The following NPNT variants were observed in gnomAD, a reference collection of about 807,000 sequenced individuals.
NPNT encodes nephronectin, also known as preosteoblast EGF-like repeat protein with MAM domain.
In NPNT, 45 loss-of-function variants were observed where a neutral mutation model predicts 68.6. The ratio of observed to expected loss-of-function variants is 0.66; its 90% confidence interval spans 0.52 to 0.84. The LOEUF is 0.84. NPNT is among the 40% of genes least tolerant of loss of function. The pLI, the probability that NPNT is intolerant of heterozygous loss-of-function variation, is 0.00. For missense variants in NPNT, 672 were observed against 714.8 expected, an observed-to-expected ratio of 0.94 and a Z score of 0.68; for synonymous variants, 233 against 253.3, an observed-to-expected ratio of 0.92 and a Z score of 0.76.
At chr4:105,962,844 G>T (rs1294285020) in intron 10 of NPNT, among the ~76,000 whole-genome samples, 2 of 149,706 alleles carry the variant, frequency 1.3e-5, no homozygotes, top group Non-Finnish European at 3.0e-5. Flanking sequence ...TCAGGTGGAT[G>T]GAGTGTATGT....
At chr4:105,928,214 TCTA>T (rs1728834726) in intron 3 of NPNT, among the ~76,000 whole-genome samples, 1 of 152,208 alleles carries the variant, frequency 6.6e-6, no homozygotes. Flanking sequence ...CCATATTTTT[TCTA>T]CTATACTAGT....
intron 2 of NPNT, among the ~76,000 whole-genome samples, chr4:105,906,884 A>T (rs577307917): frequency 6.6e-6 from 1 of 152,270 alleles, no homozygotes; most frequent in East Asian, 1.9e-4. Context: ...ATTCATTTCC[A>T]TGCCAGTTAT....
At chr4:105,923,169 G>C (rs926103103) in intron 2 of NPNT, among the ~76,000 whole-genome samples, 5 of 152,126 alleles carry the variant, frequency 3.3e-5, no homozygotes, top group African/African-American at 1.2e-4. Context: ...GAAAAGGTTG[G>C]TTTTTGCTGA....
intron 8 of NPNT, among the ~76,000 whole-genome samples, chr4:105,953,872 A>G (rs1358404995): frequency 6.6e-6 from 1 of 152,242 alleles, no homozygotes; most frequent in East Asian, 1.9e-4. Flanking sequence ...CTTGTTTCCT[A>G]TGAAACAGGA....
At chr4:105,928,007 A>G (rs1728819191) in intron 3 of NPNT, among the ~76,000 whole-genome samples, 1 of 152,212 alleles carries the variant, frequency 6.6e-6, no homozygotes, top group Non-Finnish European at 1.5e-5. Context: ...GGTATTTTAT[A>G]TATATAATCC....
chr4:105,923,666 G>A (rs899866793), intron 2 of NPNT, among the ~76,000 whole-genome samples: 8 of 152,104 alleles, frequency 5.3e-5, no homozygotes, highest in Non-Finnish European at 8.8e-5. Flanking sequence ...GTCATGACAT[G>A]CACGTTCTAG....
At chr4:105,940,957 C>A (rs1044901093) in intron 7 of NPNT, among the ~76,000 whole-genome samples, 1 of 152,022 alleles carries the variant, frequency 6.6e-6, no homozygotes, top group Non-Finnish European at 1.5e-5. Flanking sequence ...TCATGTTTGC[C>A]ATTAGCGTTA....
chr4:105,898,542 G>T (rs1726147332), intron 2 of NPNT, among the ~76,000 whole-genome samples: 1 of 152,088 alleles, frequency 6.6e-6, no homozygotes, highest in Non-Finnish European at 1.5e-5. Flanking sequence ...GTGTAAAGTG[G>T]CCCATTTGTA....
chr4:105,915,717 G>A (rs1727757880), intron 2 of NPNT, among the ~76,000 whole-genome samples: 1 of 152,152 alleles, frequency 6.6e-6, no homozygotes, highest in Non-Finnish European at 1.5e-5. Flanking sequence ...TTTCAATTTT[G>A]GATATGTTCA....
intron 2 of NPNT, among the ~76,000 whole-genome samples, chr4:105,921,718 A>G (rs1016535766): frequency 1.3e-5 from 2 of 152,120 alleles, no homozygotes; most frequent in African/African-American, 2.4e-5. Flanking sequence ...CCACTGTACA[A>G]TCTCCCTCCA....
chr4:105,904,100 A>G (rs576863545), intron 2 of NPNT, among the ~76,000 whole-genome samples: 41 of 152,062 alleles, frequency 2.7e-4, no homozygotes, highest in African/African-American at 9.9e-4. Flanking sequence ...TTACTTTTTT[A>G]TGCACTCAGC....
intron 8 of NPNT, among the ~76,000 whole-genome samples, chr4:105,949,931 T>C (rs1403948377): frequency 6.6e-6 from 1 of 152,156 alleles, no homozygotes; most frequent in Non-Finnish European, 1.5e-5. Context: ...TGGGCGATTT[T>C]CATTGTCTTT....
intron 8 of NPNT, among the ~76,000 whole-genome samples, chr4:105,944,174 A>G (rs1730195795): frequency 6.6e-6 from 1 of 152,172 alleles, no homozygotes; most frequent in Non-Finnish European, 1.5e-5. Flanking sequence ...CTCTCAAAAT[A>G]TACATTTTAT....
chr4:105,924,045 C>CG (rs974190903), intron 2 of NPNT, among the ~76,000 whole-genome samples: 2 of 151,706 alleles, frequency 1.3e-5, no homozygotes, highest in Non-Finnish European at 2.9e-5. Flanking sequence ...CTGCGCCCCC[C>CG]CCCCACCACT....
At chr4:105,955,384 A>G (rs955379736) in intron 8 of NPNT, among the ~76,000 whole-genome samples, 1 of 152,206 alleles carries the variant, frequency 6.6e-6, no homozygotes, top group African/African-American at 2.4e-5. Context: ...TTTCACAAAC[A>G]TATTTCAATT....
chr4:105,947,229 G>A (rs1196398026), intron 8 of NPNT, among the ~76,000 whole-genome samples: 4 of 152,060 alleles, frequency 2.6e-5, no homozygotes, highest in African/African-American at 9.7e-5. Context: ...CTGTTATTGT[G>A]TTCTTTTTCA....
chr4:105,942,250 G>T, intron 7 of NPNT, 57 bp from the exon 8 acceptor site: 1 of 1,364,804 alleles, frequency 7.3e-7, no homozygotes, highest in East Asian at 2.3e-5. Context: ...TCAGTGTAAT[G>T]CTTCACTTTT....
At chr4:105,947,796 C>T (rs926442655) in intron 8 of NPNT, among the ~76,000 whole-genome samples, 29 of 152,132 alleles carry the variant, frequency 1.9e-4, no homozygotes, top group Non-Finnish European at 7.4e-5. Flanking sequence ...CACAAATGAT[C>T]GAGTCAAAGA....
rs554776607 is a variant in NPNT at position 105,946,936 on chromosome 4, A to G, written c.1159+4234A>G. ...CAAGGTGGAGTTTCCCAATCCTAGT[A>G]AGCCTGAGGGTACTGCAAGAGACCA... On this transcript the variant is annotated intron_variant, in intron 8 of 11. Transcript: ENST00000379987. Among the ~76,000 whole-genome samples, 35 of 152,294 alleles carry G rather than the reference A, an allele frequency of 2.3e-4. No homozygotes were observed. The South Asian group carries it at 7.3e-3, about 32-fold the overall frequency.
Sources: gnomAD v4.1 joint callset for allele counts (sites outside exome capture counted in the v4.1 genomes callset) on GRCh38, gnomAD v4.1.1 for gene constraint, MANE v1.5 for transcripts, NCBI Gene and HGNC (gene_info 2026-07-23, HGNC 2026-07-21) for gene names.